Variants in DGKB observed in about 807,000 individuals in gnomAD.
DGKB encodes 90 kDa diacylglycerol kinase.
A neutral mutation model predicts 114.3 loss-of-function variants in DGKB; 67 were observed. The observed-to-expected ratio is 0.59, with a 90% CI of 0.48 to 0.72. The LOEUF is 0.72. DGKB is among the 30% of genes least tolerant of loss of function. The pLI is 0.00. For missense variants in DGKB, 907 were observed against 975.2 expected, an observed-to-expected ratio of 0.93 and a Z score of 0.93; for synonymous variants, 398 against 323.1, an observed-to-expected ratio of 1.23 and a Z score of -2.49.
At chr7:14,871,237 T>C (rs1852407103) in intron 1 of DGKB, among the ~76,000 whole-genome samples, 1 of 152,230 alleles carries the variant, frequency 6.6e-6, no homozygotes, top group African/African-American at 2.4e-5. Context: ...CGCATATATG[T>C]ATCATTTCTT....
At chr7:14,934,894 A>G (rs972620513) in intron 1 of DGKB, among the ~76,000 whole-genome samples, 7 of 152,324 alleles carry the variant, frequency 4.6e-5, no homozygotes, top group Middle Eastern at 3.4e-3. Flanking sequence ...GAAACTAATG[A>G]AAGTAAACCC....
chr7:14,508,364 C>T (rs752337968), intron 20 of DGKB, among the ~76,000 whole-genome samples: 1 of 152,092 alleles, frequency 6.6e-6, no homozygotes, highest in Non-Finnish European at 1.5e-5. Flanking sequence ...ATGAATAGTA[C>T]CTGATTTGAA....
At chr7:14,313,316 G>C (rs1805738817) in intron 23 of DGKB, among the ~76,000 whole-genome samples, 1 of 152,114 alleles carries the variant, frequency 6.6e-6, no homozygotes, top group Admixed American at 6.5e-5. Context: ...CTCCCAGCCT[G>C]AGCGACGCAG....
chr7:14,574,272 T>C lies in DGKB; in HGVS notation c.1710A>G (p.Lys570=). ...AAGGCACTGGGTCTCCTTTCTCATC[T>C]TTGTCATTAGGTATGACTTCAAACT... ...RWKFEVIPND[K]DEKGDPVPYS... is the part of the protein sequence containing the mutation. Residue 570 remains lysine, a synonymous_variant, in exon 20 of 26, where the codon AAA becomes AAG. Transcript: ENST00000402815. 1.2e-6 allele frequency: 2 copies of C among 1,613,426 alleles called. No homozygotes were observed. Among genetic ancestry groups the C allele is most frequent in the Non-Finnish European group, 1.7e-6 (2 of 1,179,508 alleles).
At chr7:14,262,779 C>T (rs1008012874) in intron 23 of DGKB, among the ~76,000 whole-genome samples, 18 of 152,258 alleles carry the variant, frequency 1.2e-4, no homozygotes, top group African/African-American at 4.1e-4. Context: ...CCAGCTCCAA[C>T]TAATCAGACC....
chr7:14,768,130 G>T (rs932706180), intron 2 of DGKB, among the ~76,000 whole-genome samples: 5 of 151,830 alleles, frequency 3.3e-5, no homozygotes, highest in Non-Finnish European at 5.9e-5. Flanking sequence ...ATATTTTAAA[G>T]AACATAAAAC....
chr7:14,706,342 C>T (rs1826225549), intron 6 of DGKB, among the ~76,000 whole-genome samples: 2 of 142,270 alleles, frequency 1.4e-5, no homozygotes, highest in South Asian at 4.7e-4. Flanking sequence ...TACAAAGAGA[C>T]TTAGACTCCC....
chr7:14,899,944 G>A (rs554850378), intron 1 of DGKB, among the ~76,000 whole-genome samples: 21 of 152,122 alleles, frequency 1.4e-4, no homozygotes, highest in Middle Eastern at 3.4e-3. Context: ...CACTAAATAC[G>A]TTGCTTTCAG....
At chr7:14,466,950 A>C (rs945351847) in intron 21 of DGKB, among the ~76,000 whole-genome samples, 1 of 152,140 alleles carries the variant, frequency 6.6e-6, no homozygotes, top group East Asian at 1.9e-4. Flanking sequence ...AGTGATGTGG[A>C]GCTGTGCTTG....
chr7:14,617,875 T>A (rs1013198976), intron 15 of DGKB, among the ~76,000 whole-genome samples: 2 of 151,656 alleles, frequency 1.3e-5, no homozygotes, highest in Non-Finnish European at 3.0e-5. Context: ...AACTAGCCAT[T>A]GTTCTTAAAA....
At chr7:14,642,381 G>A (rs1327708640) in intron 13 of DGKB, among the ~76,000 whole-genome samples, 1 of 151,946 alleles carries the variant, frequency 6.6e-6, no homozygotes, top group Non-Finnish European at 1.5e-5. Context: ...ATAACTATTA[G>A]TATTTTATTT....
chr7:14,370,516 A>C (rs928716513), intron 21 of DGKB, among the ~76,000 whole-genome samples: 1 of 152,170 alleles, frequency 6.6e-6, no homozygotes, highest in Non-Finnish European at 1.5e-5. Context: ...TACTTTGGGC[A>C]GTATGGCCAT....
intron 23 of DGKB, among the ~76,000 whole-genome samples, chr7:14,279,701 C>A (rs1442569453): frequency 1.3e-5 from 2 of 151,992 alleles, no homozygotes; most frequent in Non-Finnish European, 2.9e-5. Flanking sequence ...GTCCCTCACC[C>A]CTGACCCCCG....
intron 8 of DGKB, 59 bp downstream of exon 8, chr7:14,698,035 GA>G (rs1824383181): frequency 1.2e-6 from 1 of 859,974 alleles, no homozygotes; most frequent in South Asian, 1.5e-5. Context: ...AAGAAAGAAA[GA>G]AAAGAAAGAA....
intron 17 of DGKB, among the ~76,000 whole-genome samples, chr7:14,598,684 T>C (rs1304540946): frequency 6.6e-6 from 1 of 152,334 alleles, no homozygotes; most frequent in Non-Finnish European, 1.5e-5. Context: ...ATTTTTAAGC[T>C]ATCTTTTGCT....
chr7:14,607,632 C>A (rs1370032906), intron 16 of DGKB, 124 bp from the exon 17 acceptor site: 1 of 341,080 alleles, frequency 2.9e-6, no homozygotes, highest in African/African-American at 2.2e-5. Context: ...TAAAAAATTT[C>A]TATCAATTTA....
At chr7:14,594,144 C>G (rs2128750296) in intron 17 of DGKB, among the ~76,000 whole-genome samples, 1 of 152,116 alleles carries the variant, frequency 6.6e-6, no homozygotes, top group African/African-American at 2.4e-5. Flanking sequence ...CACTGAAGAA[C>G]ACAAAACACC....
intron 19 of DGKB, among the ~76,000 whole-genome samples, chr7:14,576,983 T>C (rs1265570093): frequency 6.6e-6 from 1 of 152,210 alleles, no homozygotes; most frequent in East Asian, 1.9e-4. Context: ...ACAAATATCT[T>C]TTCCCTACTT....
Position 14,338,515 on chromosome 7 carries a change from C to A in DGKB, c.2122G>T (p.Asp708Tyr). ...AACAACTAATTGTTAGAAAACTGAC[C>A]TTGACTTGCAAACTTCAACTCTTTG... ...DAKELKFASQ[D>Y]LSDQLLEVVG... The change falls in exon 23 of 26, where the codon GAT (aspartate) becomes TAT (tyrosine). Residue 708 changes from aspartate to tyrosine, a missense_variant and splice_region_variant. By Grantham distance (160) the Asp-to-Tyr change is radical. Around this residue, in one of 3 missense-constraint regions of DGKB, gnomAD observed 814 missense variants for 856.6 expected, o/e 0.95. Coordinates refer to ENST00000402815, the MANE Select transcript of DGKB (RefSeq NM_001350709.2). The A allele has an allele frequency of 6.4e-7, 1 of 1,551,692 alleles. No individual in the cohort carries two copies. The highest frequency in any genetic ancestry group is 2.3e-5 in the East Asian group (1 of 43,116).
Sources: allele counts gnomAD v4.1 joint callset (sites outside exome capture counted in the v4.1 genomes callset), GRCh38; gene constraint gnomAD v4.1.1; regional missense constraint gnomAD v4.1.1; transcripts MANE v1.5; gene names NCBI Gene and HGNC (gene_info 2026-07-23, HGNC 2026-07-21).